ABCA3: variants seen among roughly 807,000 people sequenced by gnomAD.
The protein encoded by ABCA3 is phospholipid-transporting ATPase ABCA3.
A neutral mutation model predicts 172.8 loss-of-function variants in ABCA3; 88 were observed. The observed-to-expected ratio is 0.51, with a 90% CI of 0.43 to 0.61. The LOEUF (loss-of-function observed/expected upper bound fraction) is 0.61, where lower values mean the gene tolerates loss of function less well. Among genes scored for constraint, ABCA3 ranks in the 20% least tolerant of loss-of-function variants. The probability of loss-of-function intolerance (pLI) is 0.00; values close to 1 mark genes in which losing one functional copy is unlikely to be tolerated. For missense variants in ABCA3, 2,164 were observed against 2,301.0 expected (o/e 0.94, Z 1.22); for synonymous variants, 1,066 against 983.8 (o/e 1.08, Z -1.56).
chr16:2,299,425 G>T lies in ABCA3; in HGVS notation c.1719C>A (p.Thr573=). ...VLLGHNGAGK[T]TTLSMLTGLF... ...CACCTGTGAGCATGGAGAGGGTGGT[G>T]GTCTTCCCGGCACCGTTGTGGCCCA... The change falls in exon 14 of 33, where the codon ACC becomes ACA. Residue 573 remains threonine, a synonymous_variant. Transcript: ENST00000301732. 1.2e-6 allele frequency: 2 copies of T among 1,613,802 alleles called. No homozygotes were observed. Among genetic ancestry groups the T allele is most frequent in the Non-Finnish European group, 8.5e-7 (1 of 1,179,966 alleles).
intron 1 of ABCA3, among the ~76,000 whole-genome samples, chr16:2,331,949 T>C (rs936889139): frequency 6.6e-6 from 1 of 152,216 alleles, no homozygotes; most frequent in African/African-American, 2.4e-5. Context: ...TTCCCCTCTC[T>C]ATAAAAGGTT....
At chr16:2,329,993 A>G (rs2093740512) in intron 1 of ABCA3, 139 bp from the exon 2 acceptor site, 1 of 152,152 alleles carries the variant, frequency 6.6e-6, no homozygotes, top group Non-Finnish European at 1.5e-5. Context: ...AAAATTTTGG[A>G]TTTAGAAAAT....
intron 3 of ABCA3, among the ~76,000 whole-genome samples, chr16:2,328,050 G>A (rs185276868): frequency 1.4e-4 from 22 of 152,100 alleles, no homozygotes; most frequent in Admixed American, 1.2e-3. Context: ...TCTGTCCAAC[G>A]AAAATTCATC....
At chr16:2,296,064 G>A (rs1253034603) in intron 17 of ABCA3, among the ~76,000 whole-genome samples, 1 of 152,218 alleles carries the variant, frequency 6.6e-6, no homozygotes, top group Non-Finnish European at 1.5e-5. Context: ...ACGTGTGAGG[G>A]CTTCTGTCTT....
intron 26 of ABCA3, among the ~76,000 whole-genome samples, chr16:2,282,185 G>T (rs575627322): frequency 2.6e-5 from 4 of 152,142 alleles, no homozygotes; most frequent in Non-Finnish European, 5.9e-5. Context: ...ACTGCAGCCC[G>T]GACCTCCCAG....
intron 5 of ABCA3, among the ~76,000 whole-genome samples, chr16:2,325,142 C>T (rs543818353): frequency 1.1e-4 from 16 of 152,276 alleles, no homozygotes; most frequent in Admixed American, 9.8e-4. Flanking sequence ...AGTGGGAGTT[C>T]CCTTCTCAGG....
chr16:2,318,020 C>A (rs543727060), intron 8 of ABCA3, among the ~76,000 whole-genome samples: 1 of 152,328 alleles, frequency 6.6e-6, no homozygotes, highest in Admixed American at 6.5e-5. Flanking sequence ...TAGAGCGATT[C>A]CACACTCCCA....
chr16:2,340,083 C>A (rs2093758144), intron 1 of ABCA3, among the ~76,000 whole-genome samples: 1 of 152,232 alleles, frequency 6.6e-6, no homozygotes, highest in African/African-American at 2.4e-5. Flanking sequence ...TGGGAGCAGG[C>A]GGAATCCAAC....
At position 2,285,583 on chromosome 16, in the gene ABCA3, C is replaced by T. The variant is rs1355266137; in HGVS notation, c.3342G>A (p.Thr1114=). The T allele has an allele frequency of 5.7e-6, 9 of 1,566,484 alleles. No homozygotes were observed. Among genetic ancestry groups the T allele is most frequent in the South Asian group, 2.3e-5 (2 of 85,352 alleles). Residue 1114 remains threonine, a synonymous_variant, in exon 23 of 33, where the codon ACG becomes ACA. Transcript: ENST00000301732. This position sits in a 1 kb window ranked among gnomAD's most constrained non-coding sequence, Gnocchi z 4.7. The part of the protein sequence containing the change: ...LLFAMAFLAS[T]FSILAVSERA... ...TCTCGCTGACCGCCAGGATGGAGAA[C>T]GTGCTGGCCAAGAATGCCATGGCGA...
intron 5 of ABCA3, among the ~76,000 whole-genome samples, chr16:2,325,797 A>T (rs1355976750): frequency 6.6e-6 from 1 of 152,090 alleles, no homozygotes; most frequent in African/African-American, 2.4e-5. Context: ...GACCCAAAGG[A>T]GAGACTGCTA....
intron 3 of ABCA3, 146 bp from the exon 4 acceptor site, chr16:2,326,638 G>A (rs754145846): frequency 3.3e-5 from 29 of 890,684 alleles, no homozygotes; most frequent in Middle Eastern, 2.6e-4. Context: ...TGGAGGGAAG[G>A]GTACAAGGCC....
intron 18 of ABCA3, among the ~76,000 whole-genome samples, chr16:2,293,475 A>G (rs62040672): frequency 0.46 from 68,153 of 148,556 alleles, 16,461 homozygotes; most frequent in East Asian, 0.56. Context: ...GGGCTCAAGC[A>G]ATCCTCTCAC....
At chr16:2,314,629 T>G (rs998028922) in intron 10 of ABCA3, among the ~76,000 whole-genome samples, 3 of 151,806 alleles carry the variant, frequency 2.0e-5, no homozygotes, top group Non-Finnish European at 4.4e-5. Context: ...CAGGCTGGAG[T>G]GCAGTGGCAT....
intron 1 of ABCA3, chr16:2,332,549 G>A (rs949965694): frequency 2.4e-5 from 26 of 1,105,592 alleles, no homozygotes; most frequent in Middle Eastern, 2.9e-4. Flanking sequence ...ACACGGACAC[G>A]AATGTCCACA....
chr16:2,317,536 A>G, intron 9 of ABCA3, 112 bp downstream of exon 9: 1 of 1,579,114 alleles, frequency 6.3e-7, no homozygotes, highest in Non-Finnish European at 8.7e-7. Flanking sequence ...CTCCCCCATG[A>G]GGGACAGACT....
intron 12 of ABCA3, among the ~76,000 whole-genome samples, chr16:2,300,988 T>C (rs1369545134): frequency 1.3e-5 from 2 of 152,032 alleles, no homozygotes; most frequent in East Asian, 1.9e-4. Flanking sequence ...CCCAGCACTT[T>C]GGGAGGCCGA....
At chr16:2,318,427 A>G (rs1441477819) in intron 8 of ABCA3, among the ~76,000 whole-genome samples, 2 of 152,220 alleles carry the variant, frequency 1.3e-5, no homozygotes, top group African/African-American at 4.8e-5. Flanking sequence ...TACGGCAGCC[A>G]GCAGCCAGGT....
chr16:2,285,316 C>G lies in ABCA3; in HGVS notation c.3483+126G>C. The G allele has an allele frequency of 2.0e-5, 23 of 1,179,266 alleles. 2 individuals carry two copies. In the South Asian group the frequency reaches 3.0e-4, roughly 16 times the overall value. 73.1% of individuals were successfully genotyped at this position (1,179,266 alleles called of 1,614,324 possible). A position where few individuals can be genotyped will look rare whatever the true frequency, so the allele number is the denominator to read the frequency against. ...GCAGCCGCCAGGGGATTCCAGCTGT[C>G]CTCCCTGAGTCGGGCCGAGCTGCCG... On this transcript the variant is annotated intron_variant, in intron 23 of 32. Coordinates refer to ENST00000301732, the MANE Select transcript of ABCA3 (RefSeq NM_001089.3). This position sits in a 1 kb window ranked among gnomAD's most constrained non-coding sequence, Gnocchi z 4.7.
At position 2,289,511 on chromosome 16, in the gene ABCA3, A is replaced by T. The variant is rs2093668578; in HGVS notation, c.2623T>A (p.Cys875Ser). 6.3e-7 allele frequency: 1 copy of T among 1,589,498 alleles called. No homozygotes were observed. The change falls in exon 20 of 33, where the codon TGT becomes AGT. Residue 875 changes from cysteine to serine, a missense_variant. This residue lies in a region of ABCA3 where 1,343 missense variants were observed against 1,369.6 expected (regional missense o/e 0.98). Transcript: ENST00000301732. ...CCGTCGGAGGGGTCCATGGCCCCAC[A>T]GAGGTTGCTGTCCACAGCCCAGTCG... is the stretch of plus-strand genomic sequence containing the variant. The part of the protein sequence containing the change: ...ASDWAVDSNL[C>S]GAMDPSDGIG...
Sources: allele counts gnomAD v4.1 joint callset (sites outside exome capture counted in the v4.1 genomes callset), GRCh38; gene constraint gnomAD v4.1.1; regional missense constraint gnomAD v4.1.1; non-coding constraint Gnocchi (gnomAD v3.1); transcripts MANE v1.5; gene names NCBI Gene and HGNC (gene_info 2026-07-23, HGNC 2026-07-21).